MANBA: variants seen among roughly 807,000 people sequenced by gnomAD.
The protein encoded by MANBA is beta-mannosidase.
In MANBA, 83 loss-of-function variants were observed where a neutral mutation model predicts 111.1. The observed-to-expected ratio is 0.75, with a 90% CI of 0.63 to 0.90. The LOEUF is 0.90. Ranked by LOEUF, MANBA falls within the 40% of genes least tolerant of loss-of-function variation. The pLI is 0.00. For missense variants in MANBA, 1,036 were observed against 1,069.0 expected (o/e 0.97, Z 0.43); for synonymous variants, 370 against 378.7 (o/e 0.98, Z 0.27).
intron 4 of MANBA, among the ~76,000 whole-genome samples, chr4:102,721,739 T>C (rs1014548642): frequency 5.3e-5 from 8 of 150,174 alleles, no homozygotes; most frequent in Non-Finnish European, 1.2e-4. Flanking sequence ...TAGAAAAGAG[T>C]AGAATGGGCC....
At chr4:102,721,277 T>G (rs1339833967) in intron 4 of MANBA, among the ~76,000 whole-genome samples, 1 of 152,116 alleles carries the variant, frequency 6.6e-6, no homozygotes, top group Non-Finnish European at 1.5e-5. Context: ...TGAGCCGAGA[T>G]CTCGCTACTG....
chr4:102,688,295 GCACACACA>G (rs112932815), intron 7 of MANBA, among the ~76,000 whole-genome samples: 2 of 146,352 alleles, frequency 1.4e-5, no homozygotes, highest in Non-Finnish European at 3.0e-5. Flanking sequence ...GCGTGCGCGC[GCACACACA>G]CACACACACA....
Position 102,639,638 on chromosome 4 carries a change from G to A in MANBA, c.2014+75C>T, listed in dbSNP as rs111700303. ...TGCCTGGGCTAATCTGACCCCTCCAGCACTGTGCTTTCTCAGTCCCTCTCC... is the reference window on the plus strand; with the variant it reads ...TGCCTGGGCTAATCTGACCCCTCCAACACTGTGCTTTCTCAGTCCCTCTCC... On this transcript the variant is annotated intron_variant, in intron 14 of 16. Coordinates refer to ENST00000647097, the MANE Select transcript of MANBA (RefSeq NM_005908.4). 34,738 of 1,581,742 alleles carry A rather than the reference G, an allele frequency of 0.022. 458 individuals carry two copies. Among genetic ancestry groups the A allele is most frequent in the Middle Eastern group, 0.027 (146 of 5,396 alleles).
At chr4:102,748,867 C>T (rs1478482220) in intron 1 of MANBA, among the ~76,000 whole-genome samples, 1 of 151,764 alleles carries the variant, frequency 6.6e-6, no homozygotes, top group African/African-American at 2.4e-5. Flanking sequence ...GAGGCGAGAT[C>T]GTGCCATTGC....
intron 7 of MANBA, among the ~76,000 whole-genome samples, chr4:102,676,876 T>C (rs1378183372): frequency 6.6e-6 from 1 of 152,178 alleles, no homozygotes; most frequent in Non-Finnish European, 1.5e-5. Flanking sequence ...TCCAAACTGC[T>C]AGTAGTCATT....
chr4:102,750,631 C>T (rs896319520), intron 1 of MANBA, among the ~76,000 whole-genome samples: 6 of 152,034 alleles, frequency 3.9e-5, no homozygotes, highest in East Asian at 3.9e-4. Flanking sequence ...ATACTAAGGG[C>T]GCCAGGAGCA....
At chr4:102,670,283 T>C (rs916881414) in intron 9 of MANBA, among the ~76,000 whole-genome samples, 3 of 152,170 alleles carry the variant, frequency 2.0e-5, no homozygotes, top group Admixed American at 6.5e-5. Context: ...TCAGTTTCCT[T>C]ATCTGTAAAT....
chr4:102,706,480 C>CA (rs1324774567), intron 5 of MANBA, among the ~76,000 whole-genome samples: 23 of 151,914 alleles, frequency 1.5e-4, no homozygotes, highest in Non-Finnish European at 2.9e-5. Flanking sequence ...AAAGAGAATT[C>CA]AAAAAAATTA....
chr4:102,702,465 G>GT (rs932241115), intron 5 of MANBA, among the ~76,000 whole-genome samples: 9 of 152,084 alleles, frequency 5.9e-5, no homozygotes, highest in African/African-American at 2.2e-4. Flanking sequence ...TTTCTGCTCT[G>GT]TTTTTTCCCA....
rs764417009 is a variant in MANBA, at chr4:102,689,554, A to G, written c.960+20T>C. 1.4e-6 allele frequency: 2 copies of G among 1,402,714 alleles called. No homozygotes were observed. Among genetic ancestry groups the G allele is most frequent in the Non-Finnish European group, 2.0e-6 (2 of 996,260 alleles). 86.9% of individuals were successfully genotyped at this position (1,402,714 alleles called of 1,614,324 possible). A position where few individuals can be genotyped will look rare whatever the true frequency, so the allele number is the denominator to read the frequency against. ...AAGAAATAAAATTATTTCACAAAAT[A>G]TTTTAAATTACTTACTTACCTTAGC... On this transcript the variant is annotated intron_variant, in intron 7 of 16. Transcript: ENST00000647097.
At chr4:102,653,811 G>C (rs1003353032) in intron 12 of MANBA, among the ~76,000 whole-genome samples, 1 of 152,142 alleles carries the variant, frequency 6.6e-6, no homozygotes. Context: ...TAAGGAAAAG[G>C]TTTAGCAATT....
intron 4 of MANBA, among the ~76,000 whole-genome samples, chr4:102,714,808 A>C (rs754518561): frequency 3.9e-5 from 6 of 152,170 alleles, no homozygotes; most frequent in Non-Finnish European, 8.8e-5. Flanking sequence ...CTGTGTCCTC[A>C]CATGGTCTTT....
intron 7 of MANBA, among the ~76,000 whole-genome samples, chr4:102,677,326 C>A (rs1157299897): frequency 1.3e-5 from 2 of 152,144 alleles, no homozygotes; most frequent in African/African-American, 4.8e-5. Flanking sequence ...AAACTTGTAT[C>A]TACTACCTCA....
chr4:102,716,144 T>C (rs566308891), intron 4 of MANBA, among the ~76,000 whole-genome samples: 1 of 151,964 alleles, frequency 6.6e-6, no homozygotes, highest in South Asian at 2.1e-4. Flanking sequence ...ACCCCGTCTC[T>C]ACTAAAAATA....
chr4:102,750,782 G>A (rs1723761053), intron 1 of MANBA, among the ~76,000 whole-genome samples: 1 of 152,074 alleles, frequency 6.6e-6, no homozygotes, highest in African/African-American at 2.4e-5. Context: ...GTATGGTGGT[G>A]TGTACCTGTA....
chr4:102,729,456 G>C, intron 1 of MANBA: 5 of 1,287,672 alleles, frequency 3.9e-6, no homozygotes, highest in South Asian at 1.3e-5. Flanking sequence ...ATGTGTCCGA[G>C]ATCTGGGACT....
At position 102,631,611 on chromosome 4, in the gene MANBA, G is replaced by A. The variant is rs17033034; in HGVS notation, c.*446C>T. 4.2e-3 allele frequency: 1,695 copies of A among 402,938 alleles called. 20 individuals carry two copies. The highest frequency in any genetic ancestry group is 0.032 in the African/African-American group (1,523 of 48,110). The allele number at this position is 402,938 out of a possible 1,614,324, so 25.0% of individuals were successfully genotyped here. On this transcript the variant is annotated 3_prime_UTR_variant, in exon 17 of 17. Coordinates refer to ENST00000647097, the MANE Select transcript of MANBA (RefSeq NM_005908.4). ...AAATCTCTGTTGTAACATTTCAATC[G>A]CCATTCCCTCTGAAATAATAACAAA... is the stretch of plus-strand genomic sequence containing the variant.
intron 7 of MANBA, among the ~76,000 whole-genome samples, chr4:102,684,806 G>T (rs772395101): frequency 6.6e-6 from 1 of 152,110 alleles, no homozygotes; most frequent in Non-Finnish European, 1.5e-5. Flanking sequence ...TCAACAAAGC[G>T]ATGATTCATG....
chr4:102,712,333 A>G (rs1578927977), intron 5 of MANBA, among the ~76,000 whole-genome samples: 1 of 152,204 alleles, frequency 6.6e-6, no homozygotes, highest in East Asian at 1.9e-4. Flanking sequence ...CTAGTGACTA[A>G]TAAAGTGAAC....
Sources: gnomAD v4.1 joint callset for allele counts (sites outside exome capture counted in the v4.1 genomes callset) on GRCh38, gnomAD v4.1.1 for gene constraint, MANE v1.5 for transcripts, NCBI Gene and HGNC (gene_info 2026-07-23, HGNC 2026-07-21) for gene names.